Variants in GRID2 observed in about 807,000 individuals in gnomAD.
GRID2 encodes glutamate receptor ionotropic, delta-2.
Under a neutral mutation model 114.8 loss-of-function variants are expected in GRID2, and 33 were observed. That is an observed-to-expected ratio of 0.29 (90% confidence interval 0.22 to 0.38). GRID2 has a LOEUF of 0.38. Ranked by LOEUF, GRID2 falls within the 10% of genes least tolerant of loss-of-function variation. The probability of loss-of-function intolerance (pLI) is 1.00; values close to 1 mark genes in which losing one functional copy is unlikely to be tolerated. For missense variants in GRID2, 1,184 were observed against 1,257.7 expected (o/e 0.94, Z 0.89); for synonymous variants, 505 against 449.9 (o/e 1.12, Z -1.55).
chr4:93,747,997 T>C (rs1731996667), intron 14 of GRID2, among the ~76,000 whole-genome samples: 1 of 152,158 alleles, frequency 6.6e-6, no homozygotes, highest in Non-Finnish European at 1.5e-5. Flanking sequence ...TATTGGTTTC[T>C]AGATTAATAA....
At chr4:93,561,854 T>A (rs1734956847) in intron 13 of GRID2, among the ~76,000 whole-genome samples, 1 of 152,144 alleles carries the variant, frequency 6.6e-6, no homozygotes, top group Non-Finnish European at 1.5e-5. Flanking sequence ...TTTCATAACT[T>A]GATAGCTCAT....
intron 1 of GRID2, among the ~76,000 whole-genome samples, chr4:92,588,660 C>T (rs1728568090): frequency 9.4e-6 from 1 of 106,916 alleles, no homozygotes; most frequent in Admixed American, 1.4e-4. Flanking sequence ...GCCTGGGCAA[C>T]AGAGTGAGAC....
At chr4:93,741,478 AG>A (rs1006436744) in intron 14 of GRID2, among the ~76,000 whole-genome samples, 1 of 152,140 alleles carries the variant, frequency 6.6e-6, no homozygotes, top group Admixed American at 6.5e-5. Context: ...TTTTATCAAC[AG>A]GAGACTAAAT....
At chr4:92,506,878 AT>A (rs1724001630) in intron 1 of GRID2, among the ~76,000 whole-genome samples, 1 of 151,874 alleles carries the variant, frequency 6.6e-6, no homozygotes, top group Non-Finnish European at 1.5e-5. Flanking sequence ...TCTGAAAAAA[AT>A]CTTTCATTTT....
chr4:93,205,898 C>T (rs1742698052), intron 4 of GRID2, among the ~76,000 whole-genome samples: 1 of 152,112 alleles, frequency 6.6e-6, no homozygotes, highest in African/African-American at 2.4e-5. Flanking sequence ...TTGCATTTCT[C>T]TGATGGCCAG....
At chr4:93,261,874 T>A (rs1364825066) in intron 8 of GRID2, among the ~76,000 whole-genome samples, 1 of 151,558 alleles carries the variant, frequency 6.6e-6, no homozygotes, top group East Asian at 1.9e-4. Flanking sequence ...TGTATATATG[T>A]ATGTATGCAT....
At chr4:93,101,344 T>C (rs1171028142) in intron 3 of GRID2, among the ~76,000 whole-genome samples, 1 of 152,072 alleles carries the variant, frequency 6.6e-6, no homozygotes, top group African/African-American at 2.4e-5. Context: ...ATCCTACTGA[T>C]TTATTGAACA....
chr4:93,654,960 T>TGG (rs1000459811), intron 14 of GRID2, among the ~76,000 whole-genome samples: 5 of 152,160 alleles, frequency 3.3e-5, no homozygotes, highest in Non-Finnish European at 7.4e-5. Context: ...GAGGAACTAA[T>TGG]TAGAAATCCA....
chr4:92,801,657 A>C (rs945401640), intron 2 of GRID2, among the ~76,000 whole-genome samples: 4 of 152,020 alleles, frequency 2.6e-5, no homozygotes, highest in African/African-American at 9.6e-5. Context: ...ATATTTTTGT[A>C]ATATAAGCAT....
intron 12 of GRID2, among the ~76,000 whole-genome samples, chr4:93,504,548 G>A (rs538869210): frequency 3.9e-5 from 6 of 152,008 alleles, no homozygotes; most frequent in Non-Finnish European, 4.4e-5. Flanking sequence ...GAAGTACGAT[G>A]AAGTTTAATA....
At position 93,323,322 on chromosome 4, in the gene GRID2, A is replaced by G. The variant is rs866559386; in HGVS notation, c.1246-72285A>G. On this transcript the variant is annotated intron_variant, in intron 8 of 15. Coordinates refer to ENST00000282020, the MANE Select transcript of GRID2 (RefSeq NM_001510.4). ...ATAGGGAATCCTTTCCCCATTTTTTATTTTTGTCAGGTTTGTCAAAGATCA... is the reference window on the plus strand; with the variant it reads ...ATAGGGAATCCTTTCCCCATTTTTTGTTTTTGTCAGGTTTGTCAAAGATCA... Among the ~76,000 whole-genome samples the G allele has an allele frequency of 8.6e-5, 13 of 151,862 alleles. No homozygotes were observed. In the East Asian group the frequency reaches 1.9e-3, roughly 23 times the overall value.
intron 4 of GRID2, among the ~76,000 whole-genome samples, chr4:93,152,199 C>G (rs559708607): frequency 1.4e-3 from 208 of 152,212 alleles, no homozygotes; most frequent in African/African-American, 4.7e-3. Flanking sequence ...AATTTTAAAT[C>G]TCAAAGATTA....
At chr4:93,338,089 G>C (rs910788118) in intron 8 of GRID2, among the ~76,000 whole-genome samples, 3 of 152,096 alleles carry the variant, frequency 2.0e-5, no homozygotes, top group African/African-American at 7.2e-5. Context: ...GTTTATATAA[G>C]ATACAAATTA....
chr4:93,422,997 T>C (rs759543889), intron 10 of GRID2, 29 bp downstream of exon 10: 1 of 1,434,508 alleles, frequency 7.0e-7, no homozygotes, highest in Admixed American at 1.7e-5. Context: ...ATTTGTCTCA[T>C]ACTTAAAGGT....
intron 8 of GRID2, among the ~76,000 whole-genome samples, chr4:93,296,687 C>G (rs17020343): frequency 0.054 from 8,223 of 152,168 alleles, 749 homozygotes; most frequent in African/African-American, 0.19. Flanking sequence ...TTAACCAAAC[C>G]ACTTATGGTA....
intron 1 of GRID2, among the ~76,000 whole-genome samples, chr4:93,798,829 G>A (rs1340950114): frequency 3.9e-5 from 6 of 152,216 alleles, no homozygotes; most frequent in African/African-American, 1.4e-4. Context: ...GGAGGCCAGA[G>A]CCCTGGGTTT....
At chr4:92,420,913 A>G (rs12640559) in intron 1 of GRID2, among the ~76,000 whole-genome samples, 21,457 of 152,044 alleles carry the variant, frequency 0.14, 1,829 homozygotes, top group Middle Eastern at 0.21. Flanking sequence ...TCAAACTCCT[A>G]GCCTCAAGTG....
intron 1 of GRID2, among the ~76,000 whole-genome samples, chr4:92,377,720 C>T (rs189959533): frequency 7.0e-4 from 107 of 152,178 alleles, no homozygotes; most frequent in African/African-American, 2.1e-3. Context: ...AGGAGCAAGT[C>T]GTGTCATGTC....
intron 4 of GRID2, among the ~76,000 whole-genome samples, chr4:93,145,882 A>G (rs1736180480): frequency 6.6e-6 from 1 of 151,186 alleles, no homozygotes; most frequent in South Asian, 2.1e-4. Flanking sequence ...ACACACACAC[A>G]CACACTTTAT....
Sources: gnomAD v4.1 joint callset for allele counts (sites outside exome capture counted in the v4.1 genomes callset) on GRCh38, gnomAD v4.1.1 for gene constraint, MANE v1.5 for transcripts, NCBI Gene and HGNC (gene_info 2026-07-23, HGNC 2026-07-21) for gene names.